The following PRKCB variants were observed in gnomAD, a reference collection of about 807,000 sequenced individuals.
PRKCB encodes the protein protein kinase C beta.
A neutral mutation model predicts 81.5 loss-of-function variants in PRKCB; 13 were observed. The ratio of observed to expected loss-of-function variants is 0.16; its 90% CI spans 0.10 to 0.25. PRKCB has a LOEUF of 0.25. PRKCB is among the 10% of genes least tolerant of loss of function. The probability of loss-of-function intolerance (pLI) is 1.00; values close to 1 mark genes in which losing one functional copy is unlikely to be tolerated. For synonymous variants in PRKCB, 335 were observed against 321.4 expected (o/e 1.04, Z -0.45); for missense variants, 509 against 875.7 (o/e 0.58, Z 5.29).
rs954794294 is a variant in PRKCB at position 24,218,289 on chromosome 16, C to T, written c.*3473C>T. 3 of 985,308 alleles carry T rather than the reference C, an allele frequency of 3.0e-6. No homozygotes were observed. Among genetic ancestry groups the T allele is most frequent in the Non-Finnish European group, 3.6e-6 (3 of 829,920 alleles). The allele number at this position is 985,308 out of a possible 1,614,324, so 61.0% of individuals were successfully genotyped here. A position where few individuals can be genotyped will look rare whatever the true frequency, so the allele number is the denominator to read the frequency against. On this transcript the variant is annotated 3_prime_UTR_variant, in exon 17 of 17. Coordinates refer to ENST00000643927, the MANE Select transcript of PRKCB (RefSeq NM_002738.7). ...TGCACAGACAATATTAAAGAGGAGG[C>T]ATTCGAGCTTTGTTGTGAACACCGG...
intron 3 of PRKCB, among the ~76,000 whole-genome samples, chr16:24,028,932 A>G (rs1233097367): frequency 6.6e-6 from 1 of 152,162 alleles, no homozygotes; most frequent in Non-Finnish European, 1.5e-5. Flanking sequence ...CTGGGACTAC[A>G]GGCATGTGCC....
intron 3 of PRKCB, among the ~76,000 whole-genome samples, chr16:24,010,647 A>G (rs868147917): frequency 2.6e-5 from 4 of 152,192 alleles, no homozygotes; most frequent in African/African-American, 7.2e-5. Context: ...GTCAGTGGCT[A>G]TAGCGCCCCC....
intron 9 of PRKCB, among the ~76,000 whole-genome samples, chr16:24,148,218 A>G (rs1967023585): frequency 6.6e-6 from 1 of 152,166 alleles, no homozygotes; most frequent in Admixed American, 6.5e-5. Context: ...TGCTAGTCCT[A>G]TTGATACTTC....
At chr16:24,054,714 G>A (rs1965883602) in intron 5 of PRKCB, among the ~76,000 whole-genome samples, 1 of 152,190 alleles carries the variant, frequency 6.6e-6, no homozygotes, top group African/African-American at 2.4e-5. Context: ...GCCGTTGACA[G>A]CTCATTTATG....
intron 16 of PRKCB, among the ~76,000 whole-genome samples, chr16:24,213,131 T>A (rs1306747434): frequency 6.6e-6 from 1 of 151,384 alleles, no homozygotes; most frequent in African/African-American, 2.4e-5. Context: ...GCCTCCCGGG[T>A]TCAAGCTATT....
intron 5 of PRKCB, among the ~76,000 whole-genome samples, chr16:24,045,604 T>G (rs939772324): frequency 6.6e-6 from 1 of 151,916 alleles, no homozygotes; most frequent in Non-Finnish European, 1.5e-5. Context: ...TCAGTTTCAG[T>G]TGAAGCTAAT....
At chr16:24,106,599 T>C (rs549480135) in intron 7 of PRKCB, among the ~76,000 whole-genome samples, 1 of 152,350 alleles carries the variant, frequency 6.6e-6, no homozygotes, top group South Asian at 2.1e-4. Context: ...CTGGAATTGA[T>C]GACTTTAAGC....
intron 7 of PRKCB, among the ~76,000 whole-genome samples, chr16:24,094,568 C>T (rs1966416155): frequency 6.6e-6 from 1 of 152,122 alleles, no homozygotes; most frequent in African/African-American, 2.4e-5. Flanking sequence ...GAGTTTAAGA[C>T]CAGTCTGGGC....
chr16:24,083,818 C>T lies in PRKCB; in HGVS notation c.530-8973C>T, dbSNP rs866531866. ...TAAATTTTTTCACAAAACTGTGCACCAAAAAGTCAATTTTACTGCATGTAA... is the reference window on the plus strand; with the variant it reads ...TAAATTTTTTCACAAAACTGTGCACTAAAAAGTCAATTTTACTGCATGTAA... On this transcript the variant is annotated intron_variant, in intron 5 of 16. Coordinates refer to ENST00000643927, the MANE Select transcript of PRKCB (RefSeq NM_002738.7). 2.0e-5 allele frequency among the ~76,000 whole-genome samples: 3 copies of T among 151,366 alleles called. No individual in the cohort carries two copies. The South Asian group carries it at 6.3e-4, about 32-fold the overall frequency.
At chr16:24,205,055 G>A (rs1296676045) in intron 16 of PRKCB, among the ~76,000 whole-genome samples, 1 of 151,820 alleles carries the variant, frequency 6.6e-6, no homozygotes, top group East Asian at 1.9e-4. Flanking sequence ...GGGAGGTGGA[G>A]GTTGCAGTGA....
At chr16:24,095,542 G>T (rs1966428801) in intron 7 of PRKCB, among the ~76,000 whole-genome samples, 3 of 152,208 alleles carry the variant, frequency 2.0e-5, no homozygotes, top group African/African-American at 7.2e-5. Context: ...ATCTGTAGGA[G>T]TAACTTAGGA....
At chr16:24,209,920 A>G (rs1489397930) in intron 16 of PRKCB, among the ~76,000 whole-genome samples, 1 of 151,672 alleles carries the variant, frequency 6.6e-6, no homozygotes, top group Non-Finnish European at 1.5e-5. Flanking sequence ...CCTGGGCAAC[A>G]TAGCAAGACC....
chr16:23,982,359 C>A (rs1295902871), intron 2 of PRKCB, among the ~76,000 whole-genome samples: 2 of 132,084 alleles, frequency 1.5e-5, no homozygotes, highest in African/African-American at 2.9e-5. Flanking sequence ...CCTTTCCCTT[C>A]CCCTTCCCTT....
intron 2 of PRKCB, among the ~76,000 whole-genome samples, chr16:23,898,154 C>T (rs1015497029): frequency 6.6e-6 from 1 of 151,892 alleles, no homozygotes; most frequent in Non-Finnish European, 1.5e-5. Flanking sequence ...CAAGCTCCGC[C>T]TCCCAGGTTC....
chr16:23,914,463 G>A (rs1218422363), intron 2 of PRKCB, among the ~76,000 whole-genome samples: 2 of 152,168 alleles, frequency 1.3e-5, no homozygotes, highest in Non-Finnish European at 2.9e-5. Flanking sequence ...TGGATGCTTG[G>A]TGAGCATCTG....
At position 23,879,068 on chromosome 16, in the gene PRKCB, C is replaced by T. The variant is rs149877693; in HGVS notation, c.205+41662C>T. Reference sequence around the variant, plus strand: ...TGGCACGCGCCTGTAATCCCAGCTACTCAGGAGGTTGAGGCAGGAGAATCA... The same window carrying T: ...TGGCACGCGCCTGTAATCCCAGCTATTCAGGAGGTTGAGGCAGGAGAATCA... On this transcript the variant is annotated intron_variant, in intron 2 of 16. Coordinates refer to ENST00000643927, the MANE Select transcript of PRKCB (RefSeq NM_002738.7). Among the ~76,000 whole-genome samples, 772 of 152,120 alleles carry T rather than the reference C, an allele frequency of 5.1e-3. 6 individuals are homozygous for T. The highest frequency in any genetic ancestry group is 0.014 in the Middle Eastern group (4 of 294).
intron 9 of PRKCB, among the ~76,000 whole-genome samples, chr16:24,128,435 A>C (rs1442483582): frequency 6.6e-6 from 1 of 152,256 alleles, no homozygotes; most frequent in Non-Finnish European, 1.5e-5. Flanking sequence ...GAATGGCACA[A>C]GCCTTTTGGT....
chr16:24,194,587 T>G (rs1567408944), intron 16 of PRKCB, among the ~76,000 whole-genome samples: 1 of 152,232 alleles, frequency 6.6e-6, no homozygotes, highest in African/African-American at 2.4e-5. Context: ...ATATTTTGAA[T>G]AGCCCTGCTA....
At chr16:24,034,860 C>A (rs1385211484) in intron 4 of PRKCB, among the ~76,000 whole-genome samples, 1 of 152,172 alleles carries the variant, frequency 6.6e-6, no homozygotes, top group Non-Finnish European at 1.5e-5. Flanking sequence ...ATCCACGTGG[C>A]AAACGAACTT....
Sources: gnomAD v4.1 joint callset for allele counts (sites outside exome capture counted in the v4.1 genomes callset) on GRCh38, gnomAD v4.1.1 for gene constraint, MANE v1.5 for transcripts, NCBI Gene and HGNC (gene_info 2026-07-23, HGNC 2026-07-21) for gene names.